SLC35D2: variants seen among roughly 807,000 people sequenced by gnomAD.
SLC35D2 encodes solute carrier family 35 member D2.
SLC35D2 carries 43 observed loss-of-function variants against 41.8 expected under a neutral mutation model. The observed-to-expected ratio is 1.03, with a 90% CI of 0.81 to 1.33. The LOEUF (loss-of-function observed/expected upper bound fraction) is 1.33. SLC35D2 is among the 40% of genes most tolerant of loss of function. The pLI is 0.00. For missense variants in SLC35D2, 380 were observed against 408.4 expected, an observed-to-expected ratio of 0.93 and a Z score of 0.60; for synonymous variants, 150 against 163.9, an observed-to-expected ratio of 0.92 and a Z score of 0.65.
At position 96,383,477 on chromosome 9, in the gene SLC35D2, C is replaced by T; in HGVS notation, c.158G>A (p.Gly53Asp). Residue 53 changes from glycine (G) to aspartate (D), a missense_variant and splice_region_variant, in exon 1 of 12, where the codon GGT (glycine) becomes GAT (aspartate). Physicochemically the swap from Gly to Asp is moderately conservative, Grantham distance 94. Transcript: ENST00000253270. The part of the protein sequence containing the change: ...LVNKALLTTY[G>D]FPSPIFLGIG... ...CCCCCGGCCCCGGGCCCCGCCTCAC[C>T]CGTAGGTGGTCAGCAGCGCCTTGTT... is the stretch of plus-strand genomic sequence containing the variant. 1 of 1,535,810 alleles carries T rather than the reference C, an allele frequency of 6.5e-7. No individual in the cohort carries two copies. The highest frequency in any genetic ancestry group is 8.8e-7 in the Non-Finnish European group (1 of 1,140,626).
intron 2 of SLC35D2, among the ~76,000 whole-genome samples, chr9:96,366,593 C>T (rs199972030): frequency 1.4e-5 from 2 of 139,664 alleles, no homozygotes; most frequent in East Asian, 2.1e-4. Context: ...GCAATCTCGG[C>T]TCACTGCAAC....
intron 9 of SLC35D2, among the ~76,000 whole-genome samples, chr9:96,328,604 C>A (rs1314022937): frequency 6.6e-6 from 1 of 152,182 alleles, no homozygotes; most frequent in African/African-American, 2.4e-5. Context: ...TCTTCCTGTT[C>A]TAAAAACAGC....
chr9:96,367,219 C>CA (rs1171888357), intron 2 of SLC35D2, among the ~76,000 whole-genome samples: 1,822 of 70,904 alleles, frequency 0.026, 31 homozygotes, highest in African/African-American at 0.038. Context: ...GACTCAGTCA[C>CA]AAAAAAAAAA....
intron 9 of SLC35D2, among the ~76,000 whole-genome samples, chr9:96,328,908 T>G (rs1828674355): frequency 6.6e-6 from 1 of 152,048 alleles, no homozygotes; most frequent in South Asian, 2.1e-4. Context: ...GACAACATGG[T>G]GAAACCCCGT....
downstream of SLC35D2, among the ~76,000 whole-genome samples, chr9:96,317,378 A>T (rs904813103): frequency 1.3e-5 from 2 of 152,096 alleles, no homozygotes; most frequent in Non-Finnish European, 2.9e-5. Context: ...GCCTTTCCAT[A>T]CCACTTCTCC....
chr9:96,326,128 G>A lies in SLC35D2; in HGVS notation c.753-1959C>T, dbSNP rs531378301. ...AATTTTAATTTGAAAGAAGAGCGTC[G>A]AAGTCTGCATCAGGATTTGAATGTT... On this transcript the variant is annotated intron_variant, in intron 9 of 11. Transcript: ENST00000253270. 2.4e-3 allele frequency among the ~76,000 whole-genome samples: 369 copies of A among 152,260 alleles called. 2 individuals are homozygous for A. The highest frequency in any genetic ancestry group is 8.2e-3 in the African/African-American group (340 of 41,552).
intron 4 of SLC35D2, among the ~76,000 whole-genome samples, chr9:96,358,077 A>G (rs1247757189): frequency 1.2e-5 from 1 of 82,246 alleles, no homozygotes; most frequent in Admixed American, 1.2e-4. Context: ...AATATTATAT[A>G]TTTTATATAT....
intron 1 of SLC35D2, among the ~76,000 whole-genome samples, chr9:96,368,740 C>T (rs1830569605): frequency 6.7e-6 from 1 of 150,064 alleles, no homozygotes; most frequent in Non-Finnish European, 1.5e-5. Flanking sequence ...CTCCCTCTCT[C>T]TCTCTCTCTC....
chr9:96,366,862 T>A lies in SLC35D2; in HGVS notation c.192+1410A>T, dbSNP rs906967853. On this transcript the variant is annotated intron_variant, in intron 2 of 11. Coordinates refer to ENST00000253270, the MANE Select transcript of SLC35D2 (RefSeq NM_007001.3). ...TTTTTTACTGTAAGAAAATTCTTGTTATGATTGTTTCTCCCTAAAATGATG... is the reference window on the plus strand; with the variant it reads ...TTTTTTACTGTAAGAAAATTCTTGTAATGATTGTTTCTCCCTAAAATGATG... 6.7e-4 allele frequency among the ~76,000 whole-genome samples: 102 copies of A among 152,046 alleles called. 1 individual carries two copies. The highest frequency in any genetic ancestry group is 2.3e-3 in the African/African-American group (96 of 41,492).
Position 96,351,355 on chromosome 9 carries a change from C to A in SLC35D2, c.420-184G>T, listed in dbSNP as rs750033401. On this transcript the variant is annotated intron_variant, in intron 5 of 11. Coordinates refer to ENST00000253270, the MANE Select transcript of SLC35D2 (RefSeq NM_007001.3). Reference sequence around the variant, plus strand: ...AAGTCAGACTAAATTTACATTATTTCTTAAGCAGTTTTCTTAATCTAATTA... The same window carrying A: ...AAGTCAGACTAAATTTACATTATTTATTAAGCAGTTTTCTTAATCTAATTA... Among the ~76,000 whole-genome samples the A allele has an allele frequency of 4.7e-4, 71 of 152,176 alleles. 1 individual carries two copies. The highest frequency in any genetic ancestry group is 2.2e-4 in the Non-Finnish European group (15 of 68,004).
At chr9:96,361,820 G>A (rs932353231) in intron 3 of SLC35D2, among the ~76,000 whole-genome samples, 2 of 152,046 alleles carry the variant, frequency 1.3e-5, no homozygotes, top group Admixed American at 6.6e-5. Context: ...AGGACGCAAA[G>A]CCTCACCAGA....
chr9:96,345,724 G>A (rs77618338), intron 6 of SLC35D2, among the ~76,000 whole-genome samples: 23 of 152,132 alleles, frequency 1.5e-4, no homozygotes, highest in Non-Finnish European at 2.2e-4. Context: ...GGAGTGATTC[G>A]CCCCGATCCA....
exon 12 of SLC35D2, chr9:96,313,881 T>G (rs969332874): frequency 6.6e-6 from 1 of 152,402 alleles, no homozygotes; most frequent in African/African-American, 2.4e-5. Context: ...CCCCAGTATT[T>G]GTGGCCTGCT....
At chr9:96,323,414 G>C (rs1397227975) in intron 10 of SLC35D2, among the ~76,000 whole-genome samples, 1 of 151,908 alleles carries the variant, frequency 6.6e-6, no homozygotes, top group Non-Finnish European at 1.5e-5. Context: ...CTCCACAAGG[G>C]CTCCACTTCT....
chr9:96,342,910 T>G (rs1829399600), intron 8 of SLC35D2, among the ~76,000 whole-genome samples: 1 of 152,170 alleles, frequency 6.6e-6, no homozygotes, highest in African/African-American at 2.4e-5. Flanking sequence ...TGCTGATTGC[T>G]AAATATGGAA....
At chr9:96,342,121 T>G (rs1829355847) in intron 8 of SLC35D2, among the ~76,000 whole-genome samples, 1 of 151,494 alleles carries the variant, frequency 6.6e-6, no homozygotes, top group Admixed American at 6.6e-5. Flanking sequence ...CTTTTTTCCT[T>G]TTTTTTTGAG....
chr9:96,341,493 C>T (rs1829324240), intron 8 of SLC35D2, among the ~76,000 whole-genome samples: 2 of 152,142 alleles, frequency 1.3e-5, no homozygotes, highest in South Asian at 4.1e-4. Context: ...TGTATTTAAG[C>T]ACAATGCCCT....
chr9:96,339,165 C>T (rs1031482183), intron 8 of SLC35D2, among the ~76,000 whole-genome samples: 18 of 151,944 alleles, frequency 1.2e-4, no homozygotes, highest in African/African-American at 3.9e-4. Flanking sequence ...GGCTGGAGTG[C>T]GGTGGCACGA....
intron 1 of SLC35D2, chr9:96,374,051 C>T (rs1338261950): frequency 6.6e-6 from 1 of 152,128 alleles, no homozygotes; most frequent in Non-Finnish European, 1.5e-5. Flanking sequence ...GTTCACTCCT[C>T]CTTTGCTTTC....
Sources: gnomAD v4.1 joint callset for allele counts (sites outside exome capture counted in the v4.1 genomes callset) on GRCh38, gnomAD v4.1.1 for gene constraint, MANE v1.5 for transcripts, NCBI Gene and HGNC (gene_info 2026-07-23, HGNC 2026-07-21) for gene names.